Variants in BCAR3 observed in about 807,000 individuals in gnomAD.
BCAR3 encodes breast cancer anti-estrogen resistance protein 3.
In BCAR3, 37 loss-of-function variants were observed where a neutral mutation model predicts 80.1. The ratio of observed to expected loss-of-function variants is 0.46; its 90% CI spans 0.36 to 0.61. The LOEUF is 0.61. BCAR3 is among the 20% of genes least tolerant of loss of function. The pLI is 0.00. For missense variants in BCAR3, 978 were observed against 1,068.2 expected, an observed-to-expected ratio of 0.92 and a Z score of 1.18; for synonymous variants, 389 against 418.9, an observed-to-expected ratio of 0.93 and a Z score of 0.87.
At chr1:93,843,726 G>A (rs1655045166) in intron 2 of BCAR3, among the ~76,000 whole-genome samples, 1 of 152,150 alleles carries the variant, frequency 6.6e-6, no homozygotes. Context: ...GTCACATTAT[G>A]CCACTTTTTC....
At chr1:93,846,611 C>T (rs1345223860) in intron 1 of BCAR3, among the ~76,000 whole-genome samples, 1 of 152,106 alleles carries the variant, frequency 6.6e-6, no homozygotes, top group Admixed American at 6.5e-5. Context: ...CCCCACCGCT[C>T]GCAGCCACCA....
intron 11 of BCAR3, among the ~76,000 whole-genome samples, 162 bp from the exon 12 acceptor site, chr1:93,562,581 AAC>A (rs1672734889): frequency 6.6e-6 from 1 of 151,958 alleles, no homozygotes; most frequent in Non-Finnish European, 1.5e-5. Context: ...CATCCTGGCT[AAC>A]ACAGTGAAAT....
intron 2 of BCAR3, among the ~76,000 whole-genome samples, chr1:93,655,330 A>G (rs1353597935): frequency 6.6e-6 from 1 of 152,328 alleles, no homozygotes. Flanking sequence ...AGCCCAAAGA[A>G]GAGGATGTTG....
At chr1:93,777,705 A>C (rs189159037) in intron 2 of BCAR3, among the ~76,000 whole-genome samples, 1 of 152,272 alleles carries the variant, frequency 6.6e-6, no homozygotes, top group Admixed American at 6.5e-5. Context: ...GATTACAGGC[A>C]TGAGCCACCA....
intron 3 of BCAR3, among the ~76,000 whole-genome samples, chr1:93,687,772 G>GT (rs1649027476): frequency 6.6e-6 from 1 of 152,172 alleles, no homozygotes; most frequent in Admixed American, 6.6e-5. Context: ...GTCCCATCCC[G>GT]TAACAGCACT....
chr1:93,613,987 G>T, intron 3 of BCAR3: 1 of 1,546,114 alleles, frequency 6.5e-7, no homozygotes, highest in Admixed American at 2.0e-5. Context: ...AAGAAAGGGG[G>T]CTTCGGACGT....
chr1:93,682,805 G>A (rs911699954), upstream of BCAR3, among the ~76,000 whole-genome samples: 1 of 152,036 alleles, frequency 6.6e-6, no homozygotes, highest in East Asian at 1.9e-4. Context: ...CACCCACCTC[G>A]GCCTCCCAAA....
intron 2 of BCAR3, among the ~76,000 whole-genome samples, chr1:93,672,546 G>A (rs1648264068): frequency 6.6e-6 from 1 of 152,190 alleles, no homozygotes; most frequent in African/African-American, 2.4e-5. Context: ...CTCATCTTTA[G>A]CAGGCCAGAA....
At chr1:93,776,721 T>G (rs1652565136) in intron 2 of BCAR3, among the ~76,000 whole-genome samples, 1 of 152,214 alleles carries the variant, frequency 6.6e-6, no homozygotes, top group Admixed American at 6.5e-5. Context: ...CTCTACTTCC[T>G]GTAAATTGGT....
At chr1:93,583,052 CT>C in intron 6 of BCAR3, 99 bp from the exon 7 acceptor site, 1 of 1,331,906 alleles carries the variant, frequency 7.5e-7, no homozygotes, top group Non-Finnish European at 1.0e-6. Context: ...CATTCATGCC[CT>C]TGGGCTTCAA....
Position 93,589,214 on chromosome 1 carries a change from A to G in BCAR3, c.692T>C (p.Val231Ala). ...CCGGCGGTTGCCCACGTAGCAGCGCACCAGGCCGGGGATGGAGTCGAAGCT... is the reference window on the plus strand; with the variant it reads ...CCGGCGGTTGCCCACGTAGCAGCGCGCCAGGCCGGGGATGGAGTCGAAGCT... ...MESFDSIPGL[V>A]RCYVGNRRPI... Residue 231 changes from valine (V) to alanine (A), a missense_variant, in exon 5 of 12, where the codon GTG becomes GCG. Val to Ala is a moderately conservative substitution (Grantham distance 64). Coordinates refer to ENST00000260502, the MANE Select transcript of BCAR3 (RefSeq NM_003567.4). 1 of 1,613,884 alleles carries G rather than the reference A, an allele frequency of 6.2e-7. No individual in the cohort carries two copies. The highest frequency in any genetic ancestry group is 1.3e-5 in the African/African-American group (1 of 75,042).
intron 2 of BCAR3, among the ~76,000 whole-genome samples, chr1:93,659,264 C>T (rs1319874931): frequency 6.6e-6 from 1 of 152,148 alleles, no homozygotes; most frequent in African/African-American, 2.4e-5. Context: ...ACTGCAGCCT[C>T]GACCTAATGG....
At chr1:93,578,095 A>C (rs556804452) in intron 7 of BCAR3, among the ~76,000 whole-genome samples, 1 of 152,196 alleles carries the variant, frequency 6.6e-6, no homozygotes, top group Non-Finnish European at 1.5e-5. Context: ...AGCACCCCCG[A>C]TGAGGCTTCC....
intron 2 of BCAR3, among the ~76,000 whole-genome samples, chr1:93,800,512 G>A (rs574043111): frequency 6.6e-6 from 1 of 152,220 alleles, no homozygotes; most frequent in East Asian, 1.9e-4. Context: ...GGAGGCAGAG[G>A]TTGCAGTGAG....
At chr1:93,693,886 G>A (rs933093580) in intron 3 of BCAR3, among the ~76,000 whole-genome samples, 1 of 152,186 alleles carries the variant, frequency 6.6e-6, no homozygotes, top group African/African-American at 2.4e-5. Flanking sequence ...GCTGATAGTG[G>A]TCTCCACCAC....
rs761229587 is a variant in BCAR3 at position 93,567,386 on chromosome 1, T to C, written c.2192A>G (p.Glu731Gly). Residue 731 changes from glutamate (E) to glycine (G), a missense_variant, in exon 11 of 12, where the codon GAA becomes GGA. Coordinates refer to ENST00000260502, the MANE Select transcript of BCAR3 (RefSeq NM_003567.4). The stretch of plus-strand genomic sequence containing the variant: ...GATTTCACAGCTCTGGTCGTTTTTT[T>C]CCCACATGTCGGTTCCTTCAAAAGT... Reference protein sequence around the residue: ...AVTFEGTDMWEKNDQSCEIML... With the variant: ...AVTFEGTDMWGKNDQSCEIML... The C allele has an allele frequency of 1.1e-5, 18 of 1,614,090 alleles. No homozygotes were observed. The highest frequency in any genetic ancestry group is 4.0e-5 in the African/African-American group (3 of 74,938).
chr1:93,576,692 G>A (rs1673473745), intron 7 of BCAR3, among the ~76,000 whole-genome samples: 1 of 152,204 alleles, frequency 6.6e-6, no homozygotes, highest in South Asian at 2.1e-4. Flanking sequence ...TTGGAAACCT[G>A]AGCTCTCAAA....
chr1:93,620,224 G>A (rs921496673), intron 3 of BCAR3, among the ~76,000 whole-genome samples: 9 of 152,154 alleles, frequency 5.9e-5, no homozygotes, highest in Non-Finnish European at 1.0e-4. Context: ...GGTATACTTA[G>A]GAGCTGGTAT....
intron 2 of BCAR3, among the ~76,000 whole-genome samples, chr1:93,808,524 G>T (rs1169840895): frequency 6.6e-6 from 1 of 152,156 alleles, no homozygotes; most frequent in Non-Finnish European, 1.5e-5. Flanking sequence ...TATAAATTAA[G>T]AAAGAGGAAG....
Sources: allele counts gnomAD v4.1 joint callset (sites outside exome capture counted in the v4.1 genomes callset), GRCh38; gene constraint gnomAD v4.1.1; transcripts MANE v1.5; gene names NCBI Gene and HGNC (gene_info 2026-07-23, HGNC 2026-07-21).